ITPR3: variants seen among roughly 807,000 people sequenced by gnomAD.
ITPR3 encodes inositol 1,4,5-trisphosphate receptor type 3, also known as inositol 1,4,5-trisphosphate-gated calcium channel ITPR3.
A neutral mutation model predicts 293.2 loss-of-function variants in ITPR3; 173 were observed. That is an observed-to-expected ratio of 0.59 (90% confidence interval 0.52 to 0.67). ITPR3 has a LOEUF of 0.67. Among genes scored for constraint, ITPR3 ranks in the 30% least tolerant of loss-of-function variants. The probability of loss-of-function intolerance (pLI) is 0.00; values close to 1 mark genes in which losing one functional copy is unlikely to be tolerated. For synonymous variants in ITPR3, 1,295 were observed against 1,444.4 expected (o/e 0.90, Z 2.35); for missense variants, 2,796 against 3,592.1 (o/e 0.78, Z 5.66).
At chr6:33,660,715 G>A (rs1420196330) in intron 7 of ITPR3, among the ~76,000 whole-genome samples, 1 of 152,172 alleles carries the variant, frequency 6.6e-6, no homozygotes, top group Non-Finnish European at 1.5e-5. Context: ...GATCACTTGA[G>A]GTCAGGAGCT....
Position 33,672,065 on chromosome 6 carries a change from A to T in ITPR3, c.2765A>T (p.His922Leu). 1 of 1,612,776 alleles carries T rather than the reference A, an allele frequency of 6.2e-7. No homozygotes were observed. The highest frequency in any genetic ancestry group is 8.5e-7 in the Non-Finnish European group (1 of 1,179,270). Residue 922 changes from histidine to leucine, a missense_variant, in exon 22 of 58, where the codon CAC (histidine) becomes CTC (leucine). This residue lies in a region of ITPR3 where 955 missense variants were observed against 1,180.8 expected (regional missense o/e 0.81). Coordinates refer to ENST00000605930, the MANE Select transcript of ITPR3 (RefSeq NM_002224.4). The surrounding 1 kb of genome is among the most constrained non-coding windows in gnomAD (Gnocchi z 5.0). ...CGGCGGTCCATCCAGGGCGTGGGGC[A>T]CATGATGTCCACCATGGTGCTGAGC... ...NVRRSIQGVG[H>L]MMSTMVLSRK...
chr6:33,644,485 C>A (rs1168036491), intron 2 of ITPR3, among the ~76,000 whole-genome samples: 2 of 152,096 alleles, frequency 1.3e-5, no homozygotes, highest in East Asian at 3.9e-4. Flanking sequence ...ATCTTCCTCC[C>A]TTCCCCTTCC....
chr6:33,652,129 A>G (rs1764205997), intron 2 of ITPR3, among the ~76,000 whole-genome samples: 1 of 152,082 alleles, frequency 6.6e-6, no homozygotes. Context: ...TCTTTCCTGC[A>G]TGAGCTCCCT....
In ITPR3 at chr6:33,672,268, G is replaced by A; in HGVS notation, c.2928+40G>A. The A allele has an allele frequency of 1.3e-6, 2 of 1,573,712 alleles. No homozygotes were observed. Among genetic ancestry groups the A allele is most frequent in the Non-Finnish European group, 1.7e-6 (2 of 1,145,860 alleles). ...ACCGTGTGGGAGGTGTTGGGTATAG[G>A]GGGAGGGTAATGGGGCGGGTACAGG... On this transcript the variant is annotated intron_variant, in intron 22 of 57. Coordinates refer to ENST00000605930, the MANE Select transcript of ITPR3 (RefSeq NM_002224.4). This position sits in a 1 kb window ranked among gnomAD's most constrained non-coding sequence, Gnocchi z 5.0.
At chr6:33,645,162 C>T (rs1384022679) in intron 2 of ITPR3, among the ~76,000 whole-genome samples, 8 of 151,546 alleles carry the variant, frequency 5.3e-5, no homozygotes, top group Admixed American at 5.3e-4. Context: ...GTGAAACCCC[C>T]GTCTCTACTA....
At position 33,687,257 on chromosome 6, in the gene ITPR3, A is replaced by G. The variant is rs370227395; in HGVS notation, c.6107A>G (p.Glu2036Gly). 10 of 1,613,490 alleles carry G rather than the reference A, an allele frequency of 6.2e-6. No homozygotes were observed. Among genetic ancestry groups the G allele is most frequent in the Non-Finnish European group, 8.5e-6 (10 of 1,179,650 alleles). ...VDVIKKAYLQEEERENSEVSP... is the reference protein window; with the variant it reads ...VDVIKKAYLQGEERENSEVSP... ...GTCATCAAGAAGGCCTACCTGCAGG[A>G]GGAAGAGCGTGAGAACTCGGAGGTG... The change falls in exon 45 of 58, where the codon GAG (glutamate) becomes GGG (glycine). Residue 2036 changes from glutamate to glycine, a missense_variant. Glu to Gly is a moderately conservative substitution (Grantham distance 98). Coordinates refer to ENST00000605930, the MANE Select transcript of ITPR3 (RefSeq NM_002224.4). The surrounding 1 kb of genome is among the most constrained non-coding windows in gnomAD (Gnocchi z 5.3).
chr6:33,636,123 C>CAAAAAAAAAA (rs59543122), intron 1 of ITPR3, among the ~76,000 whole-genome samples: 9 of 83,306 alleles, frequency 1.1e-4, no homozygotes, highest in East Asian at 4.3e-4. Context: ...GCTGTCTCTA[C>CAAAAAAAAAA]AAAAAAAAAA....
chr6:33,660,511 TCTCC>T (rs1225956143), intron 7 of ITPR3, among the ~76,000 whole-genome samples: 2 of 151,860 alleles, frequency 1.3e-5, no homozygotes, highest in African/African-American at 4.8e-5. Flanking sequence ...CCCAATGCCT[TCTCC>T]CTCCCTCCCT....
chr6:33,679,937 C>T lies in ITPR3; in HGVS notation c.4028C>T (p.Ala1343Val), dbSNP rs373798648. 5 of 1,613,720 alleles carry T rather than the reference C, an allele frequency of 3.1e-6. No individual in the cohort carries two copies. The highest frequency in any genetic ancestry group is 4.2e-6 in the Non-Finnish European group (5 of 1,180,012). Residue 1343 changes from alanine to valine, a missense_variant, in exon 31 of 58, where the codon GCC (alanine) becomes GTC (valine). Ala to Val is a moderately conservative substitution (Grantham distance 64). This residue lies in a region of ITPR3 where 344 missense variants were observed against 460.3 expected (regional missense o/e 0.75). Coordinates refer to ENST00000605930, the MANE Select transcript of ITPR3 (RefSeq NM_002224.4). This position sits in a 1 kb window ranked among gnomAD's most constrained non-coding sequence, Gnocchi z 4.2. The part of the protein sequence containing the change: ...VVFYNDKASL[A>V]HLLDMMKAAR... ...TTCTACAATGATAAGGCATCGCTGG[C>T]CCACCTGCTGGACATGATGAAGGCC...
In ITPR3 at chr6:33,684,265, G is replaced by C; in HGVS notation, c.4938-92G>C. The C allele has an allele frequency of 6.3e-7, 1 of 1,594,774 alleles. No homozygotes were observed. Among genetic ancestry groups the C allele is most frequent in the South Asian group, 1.1e-5 (1 of 90,552 alleles). Reference sequence around the variant, plus strand: ...CTAGACAGGCTCACTGGGTCAGAGGGCCTGGGGGTGTTCCTGCCTGGGATG... The same window carrying C: ...CTAGACAGGCTCACTGGGTCAGAGGCCCTGGGGGTGTTCCTGCCTGGGATG... On this transcript the variant is annotated intron_variant, in intron 36 of 57. Transcript: ENST00000605930. This position sits in a 1 kb window ranked among gnomAD's most constrained non-coding sequence, Gnocchi z 4.2.
intron 17 of ITPR3, 36 bp from the exon 18 acceptor site, chr6:33,668,938 C>CCTGG (rs1460424904): frequency 6.2e-7 from 1 of 1,604,170 alleles, no homozygotes; most frequent in Non-Finnish European, 8.5e-7. Flanking sequence ...GTGCCCTGGA[C>CCTGG]CTGGCTCCCT....
chr6:33,693,433 T>G, intron 55 of ITPR3, 112 bp from the exon 56 acceptor site: 1 of 1,098,046 alleles, frequency 9.1e-7, no homozygotes, highest in Non-Finnish European at 1.3e-6. Flanking sequence ...TTGGAAGCGC[T>G]CATCCCGAGA....
At chr6:33,686,984 T>A (rs369532752) in intron 43 of ITPR3, 25 bp from the exon 44 acceptor site, 51 of 1,587,252 alleles carry the variant, frequency 3.2e-5, no homozygotes, top group Non-Finnish European at 4.2e-5. Context: ...GACTGTGGCC[T>A]GCCTCCCTCT....
rs141567045 is a variant in ITPR3 at position 33,684,899 on chromosome 6, G to A, written c.5263G>A (p.Gly1755Ser). Residue 1755 changes from glycine (G) to serine (S), a missense_variant, in exon 39 of 58, where the codon GGC (glycine) becomes AGC (serine). This residue lies in a region of ITPR3 where 704 missense variants were observed against 797.5 expected (regional missense o/e 0.88). Transcript: ENST00000605930. This position sits in a 1 kb window ranked among gnomAD's most constrained non-coding sequence, Gnocchi z 4.2. The part of the protein sequence containing the change: ...KNEKIFQESI[G>S]LAIHLLDGGN... ...CGAGAAGATCTTCCAGGAGAGCATC[G>A]GCCTGGCCATCCACCTGCTGGATGG... The A allele has an allele frequency of 1.1e-5, 18 of 1,613,702 alleles. No individual in the cohort carries two copies. In the Admixed American group the frequency reaches 1.8e-4, roughly 16 times the overall value.
intron 11 of ITPR3, 63 bp downstream of exon 11, chr6:33,663,943 T>G (rs1764544268): frequency 6.3e-7 from 1 of 1,587,360 alleles, no homozygotes; most frequent in East Asian, 2.2e-5. Context: ...CTCCTGTCTC[T>G]GGGACTCTCT....
In ITPR3 at chr6:33,658,342, C is replaced by T. The variant is rs1438890242; in HGVS notation, c.369+324C>T. 6.6e-6 allele frequency among the ~76,000 whole-genome samples: 1 copy of T among 151,604 alleles called. No homozygotes were observed. Among genetic ancestry groups the T allele is most frequent in the African/African-American group, 2.4e-5 (1 of 40,860 alleles). On this transcript the variant is annotated intron_variant, in intron 4 of 57. Coordinates refer to ENST00000605930, the MANE Select transcript of ITPR3 (RefSeq NM_002224.4). The surrounding 1 kb of genome is among the most constrained non-coding windows in gnomAD (Gnocchi z 6.1). ...CAAGTTACCTAACGTCCCCTGGCGCCTTGGTTTCCCCATCTGTGAAATCAG... is the reference window on the plus strand; with the variant it reads ...CAAGTTACCTAACGTCCCCTGGCGCTTTGGTTTCCCCATCTGTGAAATCAG...
chr6:33,688,380 G>C lies in ITPR3; in HGVS notation c.6517G>C (p.Asp2173His). ...EQGSKVSDFFDQSSFLHNEME... is the reference protein window; with the variant it reads ...EQGSKVSDFFHQSSFLHNEME... The stretch of plus-strand genomic sequence containing the variant: ...GGGCAGCAAAGTGAGCGACTTCTTC[G>C]ACCAGTCCTCCTTCCTGCACAACGA... The change falls in exon 48 of 58, where the codon GAC (aspartate) becomes CAC (histidine). Residue 2173 changes from aspartate (D) to histidine (H), a missense_variant. By Grantham distance (81) the Asp-to-His change is moderately conservative. This residue lies in a region of ITPR3 where 568 missense variants were observed against 796.1 expected (regional missense o/e 0.71). Coordinates refer to ENST00000605930, the MANE Select transcript of ITPR3 (RefSeq NM_002224.4). 7.2e-7 allele frequency: 1 copy of C among 1,393,798 alleles called. No homozygotes were observed. The highest frequency in any genetic ancestry group is 4.0e-5 in the East Asian group (1 of 24,954). 86.3% of individuals were successfully genotyped at this position (1,393,798 alleles called of 1,614,324 possible).
chr6:33,694,915 G>T lies in ITPR3; in HGVS notation c.7786-9G>T. ...CACGCCTGCTTAACCCACTGGTGAT[G>T]TTTTTCAGAACAAGAACCTGGACTG... On this transcript the variant is annotated splice_polypyrimidine_tract_variant and intron_variant, in intron 56 of 57. Coordinates refer to ENST00000605930, the MANE Select transcript of ITPR3 (RefSeq NM_002224.4). 6.2e-7 allele frequency: 1 copy of T among 1,614,100 alleles called. No homozygotes were observed. The highest frequency in any genetic ancestry group is 8.5e-7 in the Non-Finnish European group (1 of 1,180,022).
chr6:33,649,646 A>G (rs989206138), intron 2 of ITPR3, among the ~76,000 whole-genome samples: 1 of 152,268 alleles, frequency 6.6e-6, no homozygotes, highest in African/African-American at 2.4e-5. Flanking sequence ...TTGGAAGCAG[A>G]TGCAGGCATT....
Sources: gnomAD v4.1 joint callset for allele counts (sites outside exome capture counted in the v4.1 genomes callset) on GRCh38, gnomAD v4.1.1 for gene constraint, gnomAD v4.1.1 regional missense constraint, Gnocchi (gnomAD v3.1) non-coding constraint, MANE v1.5 for transcripts, NCBI Gene and HGNC (gene_info 2026-07-23, HGNC 2026-07-21) for gene names.